Variants in NEGR1 observed in about 807,000 individuals in gnomAD.
NEGR1 encodes IgLON family member 4.
In NEGR1, 10 loss-of-function variants were observed where a neutral mutation model predicts 40.9. That is an observed-to-expected ratio of 0.24 (90% CI 0.15 to 0.42). NEGR1 has a LOEUF of 0.42. Ranked by LOEUF, NEGR1 falls within the 10% of genes least tolerant of loss-of-function variation. The pLI, the probability that NEGR1 is intolerant of heterozygous loss-of-function variation, is 1.00. For missense variants in NEGR1, 352 were observed against 438.9 expected, an observed-to-expected ratio of 0.80 and a Z score of 1.77; for synonymous variants, 185 against 166.8, an observed-to-expected ratio of 1.11 and a Z score of -0.84.
intron 1 of NEGR1, among the ~76,000 whole-genome samples, chr1:72,255,220 T>G (rs376655439): frequency 6.6e-6 from 1 of 152,342 alleles, no homozygotes; most frequent in East Asian, 1.9e-4. Context: ...TAATCTATTA[T>G]GCACACCATT....
intron 1 of NEGR1, among the ~76,000 whole-genome samples, chr1:72,077,453 T>C (rs1334170125): frequency 6.6e-6 from 1 of 152,090 alleles, no homozygotes; most frequent in Non-Finnish European, 1.5e-5. Context: ...AATCAAACCT[T>C]TGCCATCTCA....
At chr1:71,809,580 A>C (rs1417607410) in intron 2 of NEGR1, among the ~76,000 whole-genome samples, 1 of 152,148 alleles carries the variant, frequency 6.6e-6, no homozygotes, top group East Asian at 1.9e-4. Context: ...CAATCTAAAA[A>C]TCCTTCACTT....
chr1:72,198,227 A>T (rs1004767167), intron 1 of NEGR1, among the ~76,000 whole-genome samples: 2 of 151,978 alleles, frequency 1.3e-5, no homozygotes, highest in South Asian at 4.1e-4. Flanking sequence ...TGGCCAAAAG[A>T]CTGGAGGTAG....
At chr1:71,561,947 A>G (rs375929195) in intron 6 of NEGR1, among the ~76,000 whole-genome samples, 13 of 145,480 alleles carry the variant, frequency 8.9e-5, no homozygotes, top group African/African-American at 3.3e-4. Context: ...TTTTTTTTAA[A>G]GAACTTATGA....
At chr1:71,845,721 A>G (rs1055360437) in intron 2 of NEGR1, among the ~76,000 whole-genome samples, 4 of 32,600 alleles carry the variant, frequency 1.2e-4, no homozygotes, top group Non-Finnish European at 3.3e-4. Flanking sequence ...AGCCAGATCT[A>G]TCTATCTATC....
chr1:71,422,350 G>A (rs1232362614), intron 6 of NEGR1, among the ~76,000 whole-genome samples: 2 of 152,132 alleles, frequency 1.3e-5, no homozygotes, highest in Non-Finnish European at 2.9e-5. Context: ...TGGCTTATTT[G>A]TATATTGAAA....
At chr1:71,493,320 T>C (rs1038322085) in intron 6 of NEGR1, among the ~76,000 whole-genome samples, 13 of 152,128 alleles carry the variant, frequency 8.5e-5, no homozygotes, top group African/African-American at 2.9e-4. Context: ...AAAATGTAGA[T>C]GAATACCCAT....
At chr1:71,917,917 T>A (rs1661635798) in intron 2 of NEGR1, among the ~76,000 whole-genome samples, 2 of 150,410 alleles carry the variant, frequency 1.3e-5, no homozygotes, top group Non-Finnish European at 3.0e-5. Flanking sequence ...TACTGCAACG[T>A]TAAAAGAAGA....
intron 2 of NEGR1, among the ~76,000 whole-genome samples, chr1:71,801,297 A>G (rs1570365123): frequency 6.6e-6 from 1 of 152,052 alleles, no homozygotes; most frequent in South Asian, 2.1e-4. Context: ...ACCTCCTTTT[A>G]TCTACATTAC....
At chr1:71,751,988 CAAAATTGAA>C in intron 3 of NEGR1, among the ~76,000 whole-genome samples, 1 of 152,070 alleles carries the variant, frequency 6.6e-6, no homozygotes, top group South Asian at 2.1e-4. Context: ...ACTGGATTGG[CAAAATTGAA>C]AACATGTTGA....
intron 1 of NEGR1, among the ~76,000 whole-genome samples, chr1:72,061,865 C>T (rs1362793516): frequency 6.6e-6 from 1 of 151,694 alleles, no homozygotes; most frequent in African/African-American, 2.4e-5. Flanking sequence ...GATGCCCACC[C>T]TTTTGTGTTC....
At chr1:71,960,423 G>A (rs1273229870) in intron 1 of NEGR1, among the ~76,000 whole-genome samples, 1 of 152,070 alleles carries the variant, frequency 6.6e-6, no homozygotes, top group African/African-American at 2.4e-5. Flanking sequence ...ATAAAGTCAG[G>A]CCTTTAAATG....
chr1:71,525,070 A>T (rs921863988), intron 6 of NEGR1, among the ~76,000 whole-genome samples: 1 of 151,764 alleles, frequency 6.6e-6, no homozygotes, highest in Non-Finnish European at 1.5e-5. Flanking sequence ...TTAAGCCACC[A>T]TATTTGTGAT....
intron 3 of NEGR1, among the ~76,000 whole-genome samples, chr1:71,720,533 T>C (rs572103084): frequency 2.0e-5 from 3 of 152,262 alleles, no homozygotes; most frequent in South Asian, 2.1e-4. Context: ...TTAAAATGAA[T>C]ATGCTCAAAC....
chr1:71,483,300 T>G lies in NEGR1; in HGVS notation c.941-75730A>C, dbSNP rs143656640. On this transcript the variant is annotated intron_variant, in intron 6 of 6. Transcript: ENST00000357731. ...GACCATGTAGGGTTTTGTAGACTGT[T>G]TTACTCTAAGTGAAAGGGGGAACAT... Among the ~76,000 whole-genome samples, 1,247 of 151,808 alleles carry G rather than the reference T, an allele frequency of 8.2e-3. 75 individuals carry two copies. Among genetic ancestry groups the G allele is most frequent in the Admixed American group, 0.067 (1,013 of 15,196 alleles).
intron 5 of NEGR1, among the ~76,000 whole-genome samples, chr1:71,609,318 A>G (rs1035698690): frequency 6.6e-6 from 1 of 151,598 alleles, no homozygotes; most frequent in Non-Finnish European, 1.5e-5. Flanking sequence ...GATCAAGACC[A>G]TCCTAGCTAA....
At chr1:71,775,408 C>T (rs933645151) in intron 3 of NEGR1, among the ~76,000 whole-genome samples, 18 of 149,526 alleles carry the variant, frequency 1.2e-4, no homozygotes, top group Non-Finnish European at 1.8e-4. Context: ...TGCACTGGTG[C>T]GATCTCGGCT....
intron 6 of NEGR1, among the ~76,000 whole-genome samples, chr1:71,483,566 A>T (rs1350294537): frequency 1.3e-5 from 2 of 151,448 alleles, no homozygotes; most frequent in African/African-American, 2.4e-5. Context: ...ATCCATACAA[A>T]GGTATCAAAC....
At chr1:71,845,823 G>A (rs555206488) in intron 2 of NEGR1, among the ~76,000 whole-genome samples, 6 of 151,674 alleles carry the variant, frequency 4.0e-5, no homozygotes, top group South Asian at 2.1e-4. Flanking sequence ...GCAATGGCAC[G>A]ATCACAGCTC....
Sources: allele counts gnomAD v4.1 joint callset (sites outside exome capture counted in the v4.1 genomes callset), GRCh38; gene constraint gnomAD v4.1.1; transcripts MANE v1.5; gene names NCBI Gene and HGNC (gene_info 2026-07-23, HGNC 2026-07-21).